The following COL25A1 variants were observed in gnomAD, a reference collection of about 807,000 sequenced individuals.
COL25A1 encodes the protein collagen alpha-1(XXV) chain.
In COL25A1, 103 loss-of-function variants were observed where a neutral mutation model predicts 128.4. The observed-to-expected ratio is 0.80, with a 90% CI of 0.68 to 0.94. The LOEUF (loss-of-function observed/expected upper bound fraction) is 0.94. COL25A1 is among the 40% of genes least tolerant of loss of function. The pLI is 0.00. For missense variants in COL25A1, 745 were observed against 840.0 expected (o/e 0.89, Z 1.40); for synonymous variants, 279 against 277.2 (o/e 1.01, Z -0.06).
intron 3 of COL25A1, among the ~76,000 whole-genome samples, chr4:109,230,365 T>A (rs1004249354): frequency 6.6e-6 from 1 of 152,186 alleles, no homozygotes; most frequent in South Asian, 2.1e-4. Flanking sequence ...CTAAGGTCCT[T>A]TTTCAGTGAT....
chr4:109,107,558 A>G (rs1248147284), intron 3 of COL25A1, among the ~76,000 whole-genome samples: 3 of 152,220 alleles, frequency 2.0e-5, no homozygotes, highest in Non-Finnish European at 4.4e-5. Flanking sequence ...TGAAAGTTGG[A>G]AATGCTGGAG....
At chr4:108,888,683 A>C (rs1463047644) in intron 18 of COL25A1, among the ~76,000 whole-genome samples, 1 of 152,222 alleles carries the variant, frequency 6.6e-6, no homozygotes, top group Non-Finnish European at 1.5e-5. Context: ...TTAGTTCATT[A>C]ACAAATTTAG....
At chr4:109,147,863 A>G (rs1051436242) in intron 3 of COL25A1, among the ~76,000 whole-genome samples, 1 of 152,008 alleles carries the variant, frequency 6.6e-6, no homozygotes, top group Non-Finnish European at 1.5e-5. Flanking sequence ...TTACATATTT[A>G]AAAATGAGAA....
At chr4:109,045,937 T>C (rs555442568) in intron 5 of COL25A1, among the ~76,000 whole-genome samples, 2 of 152,202 alleles carry the variant, frequency 1.3e-5, no homozygotes, top group Non-Finnish European at 2.9e-5. Flanking sequence ...TTATATTTTA[T>C]GTGATTATTT....
At chr4:108,846,089 A>ATGTTT (rs1735057135) in intron 28 of COL25A1, 50 bp downstream of exon 28, 3 of 1,181,666 alleles carry the variant, frequency 2.5e-6, no homozygotes, top group Non-Finnish European at 3.8e-6. Context: ...AATTTATCTT[A>ATGTTT]ATAAGAACAT....
intron 27 of COL25A1, among the ~76,000 whole-genome samples, chr4:108,847,034 TAGCTGGGGCTACA>T (rs991048994): frequency 1.3e-5 from 2 of 151,900 alleles, no homozygotes; most frequent in African/African-American, 4.8e-5. Context: ...GCCTCCCAAG[TAGCTGGGGCTACA>T]AGCATGCGCC....
chr4:109,160,370 A>C (rs925370613), intron 3 of COL25A1, among the ~76,000 whole-genome samples: 3 of 152,212 alleles, frequency 2.0e-5, no homozygotes, highest in African/African-American at 7.2e-5. Flanking sequence ...ACAATCAAAA[A>C]TTTTAAGTTA....
At chr4:109,201,964 A>G (rs1560858993) in intron 3 of COL25A1, among the ~76,000 whole-genome samples, 1 of 152,194 alleles carries the variant, frequency 6.6e-6, no homozygotes, top group Non-Finnish European at 1.5e-5. Flanking sequence ...AACTGGTGAA[A>G]GACATCAAAG....
intron 3 of COL25A1, among the ~76,000 whole-genome samples, chr4:109,103,510 C>G (rs565076242): frequency 6.6e-6 from 1 of 152,240 alleles, no homozygotes; most frequent in South Asian, 2.1e-4. Flanking sequence ...TTATAAGTCA[C>G]CAATTTTTTA....
chr4:109,179,226 C>T (rs1354241623), intron 3 of COL25A1, among the ~76,000 whole-genome samples: 1 of 152,180 alleles, frequency 6.6e-6, no homozygotes, highest in African/African-American at 2.4e-5. Flanking sequence ...TGCCTCCAAG[C>T]TGGCAAGAGA....
intron 13 of COL25A1, among the ~76,000 whole-genome samples, chr4:108,910,497 C>T (rs111935274): frequency 2.0e-5 from 3 of 152,246 alleles, no homozygotes; most frequent in African/African-American, 7.2e-5. Context: ...ACATTATAAT[C>T]CCTATTTGAA....
chr4:109,175,989 T>C (rs1162145365), intron 3 of COL25A1, among the ~76,000 whole-genome samples: 2 of 152,252 alleles, frequency 1.3e-5, no homozygotes, highest in Non-Finnish European at 2.9e-5. Flanking sequence ...AATTGTATAA[T>C]AGACCATAAA....
intron 19 of COL25A1, 40 bp from the exon 20 acceptor site, chr4:108,869,190 CAATA>C (rs72348233): frequency 0.075 from 56,580 of 753,298 alleles, 3,391 homozygotes; most frequent in African/African-American, 0.18. Flanking sequence ...AATCATTTGA[CAATA>C]AATAAATAAA....
At chr4:108,884,594 A>T (rs1226924868) in intron 18 of COL25A1, among the ~76,000 whole-genome samples, 2 of 152,228 alleles carry the variant, frequency 1.3e-5, no homozygotes, top group Admixed American at 1.3e-4. Context: ...GCATTTCAAC[A>T]ATGCATCCTA....
chr4:108,949,068 C>T (rs1749100624), intron 8 of COL25A1, among the ~76,000 whole-genome samples: 1 of 152,102 alleles, frequency 6.6e-6, no homozygotes, highest in Admixed American at 6.5e-5. Context: ...GAAGCATTTT[C>T]CTGGTCTGAG....
At chr4:109,031,243 C>T (rs573463132) in intron 5 of COL25A1, among the ~76,000 whole-genome samples, 32 of 152,300 alleles carry the variant, frequency 2.1e-4, no homozygotes, top group African/African-American at 7.7e-4. Flanking sequence ...TTGTGAGTAG[C>T]TGGGACTACA....
intron 26 of COL25A1, among the ~76,000 whole-genome samples, chr4:108,851,069 G>T (rs149180071): frequency 7.2e-5 from 11 of 152,118 alleles, no homozygotes; most frequent in Non-Finnish European, 1.6e-4. Flanking sequence ...CACTTGGTTG[G>T]TTCTACACAA....
At chr4:108,827,222 C>T in intron 32 of COL25A1, 34 bp from the exon 33 acceptor site, 2 of 1,551,390 alleles carry the variant, frequency 1.3e-6, no homozygotes, top group Middle Eastern at 3.4e-4. Flanking sequence ...AAATCATACA[C>T]ACCCACCTAC....
At chr4:108,924,174 T>C (rs1307609808) in intron 11 of COL25A1, among the ~76,000 whole-genome samples, 1 of 152,126 alleles carries the variant, frequency 6.6e-6, no homozygotes, top group Non-Finnish European at 1.5e-5. Flanking sequence ...TATAACTTTA[T>C]CAAAAAGATA....
Sources: gnomAD v4.1 joint callset for allele counts (sites outside exome capture counted in the v4.1 genomes callset) on GRCh38, gnomAD v4.1.1 for gene constraint, MANE v1.5 for transcripts, NCBI Gene and HGNC (gene_info 2026-07-23, HGNC 2026-07-21) for gene names.